ATG7: variants seen among roughly 807,000 people sequenced by gnomAD.
ATG7 encodes ubiquitin-like modifier-activating enzyme ATG7.
A neutral mutation model predicts 82.4 loss-of-function variants in ATG7; 70 were observed. The observed-to-expected ratio is 0.85, with a 90% CI of 0.70 to 1.04. The LOEUF (loss-of-function observed/expected upper bound fraction) is 1.04, where lower values mean the gene tolerates loss of function less well. Ranked by LOEUF, ATG7 falls within the 50% of genes least tolerant of loss-of-function variation. ATG7 has a pLI of 0.00. For missense variants in ATG7, 792 were observed against 864.3 expected (o/e 0.92, Z 1.05); for synonymous variants, 287 against 313.0 (o/e 0.92, Z 0.88).
intron 19 of ATG7, among the ~76,000 whole-genome samples, chr3:11,399,022 G>A (rs147738123): frequency 2.0e-5 from 3 of 152,270 alleles, no homozygotes; most frequent in Non-Finnish European, 4.4e-5. Context: ...GCAAAAGGAA[G>A]ATTAACATGT....
At chr3:11,314,730 T>C (rs1211490933) in intron 8 of ATG7, among the ~76,000 whole-genome samples, 1 of 151,744 alleles carries the variant, frequency 6.6e-6, no homozygotes, top group Non-Finnish European at 1.5e-5. Flanking sequence ...AGCTCAGGAG[T>C]TCAAGACCAG....
chr3:11,512,324 C>G (rs1182763395), intron 20 of ATG7, among the ~76,000 whole-genome samples: 1 of 152,212 alleles, frequency 6.6e-6, no homozygotes, highest in Non-Finnish European at 1.5e-5. Context: ...TGTCAGGCTC[C>G]GAGTTCCACC....
chr3:11,530,268 C>T (rs780703282), intron 20 of ATG7, among the ~76,000 whole-genome samples: 22 of 152,186 alleles, frequency 1.4e-4, no homozygotes, highest in Non-Finnish European at 3.2e-4. Flanking sequence ...CAAGCAGTGG[C>T]ATGCTCTCAG....
intron 19 of ATG7, among the ~76,000 whole-genome samples, chr3:11,420,179 C>T (rs2081803026): frequency 6.6e-6 from 1 of 152,056 alleles, no homozygotes; most frequent in African/African-American, 2.4e-5. Flanking sequence ...TTTTGTAAGC[C>T]ACTTATAACA....
intron 20 of ATG7, among the ~76,000 whole-genome samples, chr3:11,452,384 C>CAAAAA (rs34530409): frequency 0.014 from 819 of 58,266 alleles, 93 homozygotes; most frequent in African/African-American, 0.057. Context: ...GAACCTGTCT[C>CAAAAA]AAAAAAAAAA....
At position 11,555,807 on chromosome 3, in the gene ATG7, A is replaced by ATCGTC. The variant is rs1440065081; in HGVS notation, c.*966_*970dup. On this transcript the variant is annotated 3_prime_UTR_variant, in exon 21 of 21. Coordinates refer to ENST00000693202, the MANE Select transcript of ATG7 (RefSeq NM_001349232.2). Reference sequence around the variant, plus strand: ...ACCACCCTGCCCCCGTGTAGAGGGCATCGTCTTTCCTGCTATTTTATTCTT... The same window carrying ATCGTC: ...ACCACCCTGCCCCCGTGTAGAGGGCATCGTCTCGTCTTTCCTGCTATTTTATTCTT... The ATCGTC allele has an allele frequency of 6.6e-6, 1 of 152,310 alleles. No homozygotes were observed. The highest frequency in any genetic ancestry group is 2.4e-5 in the African/African-American group (1 of 41,442). 9.4% of individuals were successfully genotyped at this position (152,310 alleles called of 1,614,324 possible).
intron 18 of ATG7, among the ~76,000 whole-genome samples, chr3:11,376,681 G>A (rs2077438705): frequency 6.6e-6 from 1 of 152,110 alleles, no homozygotes; most frequent in African/African-American, 2.4e-5. Flanking sequence ...AGGTGGGTTG[G>A]GCCCAGAGCA....
chr3:11,425,938 G>A (rs1253649713), intron 19 of ATG7, among the ~76,000 whole-genome samples: 1 of 152,092 alleles, frequency 6.6e-6, no homozygotes, highest in Non-Finnish European at 1.5e-5. Flanking sequence ...GTAACATTAT[G>A]TTTGAAGGTA....
chr3:11,542,848 T>C (rs1269736248), intron 20 of ATG7, among the ~76,000 whole-genome samples: 1 of 150,498 alleles, frequency 6.6e-6, no homozygotes, highest in Admixed American at 6.6e-5. Flanking sequence ...AGCTCGGAGG[T>C]GCTGACCTTC....
chr3:11,415,732 A>C (rs1334786913), intron 19 of ATG7, among the ~76,000 whole-genome samples: 1 of 149,212 alleles, frequency 6.7e-6, no homozygotes, highest in Non-Finnish European at 1.5e-5. Context: ...TTATGATAGC[A>C]ATGCCTTCTT....
intron 20 of ATG7, among the ~76,000 whole-genome samples, chr3:11,546,189 T>G (rs1038719028): frequency 1.7e-5 from 2 of 117,546 alleles, no homozygotes; most frequent in Admixed American, 9.7e-5. Flanking sequence ...TTTTTTTTTT[T>G]GAGATGGAGT....
At chr3:11,537,036 C>A (rs1420877117) in intron 20 of ATG7, among the ~76,000 whole-genome samples, 1 of 152,096 alleles carries the variant, frequency 6.6e-6, no homozygotes, top group African/African-American at 2.4e-5. Context: ...AGGCCCCTCT[C>A]CGCGGACCCT....
chr3:11,355,977 G>A (rs887717555), intron 14 of ATG7, among the ~76,000 whole-genome samples: 6 of 152,160 alleles, frequency 3.9e-5, no homozygotes, highest in African/African-American at 9.7e-5. Context: ...ATTATACCAC[G>A]AATGGAATGT....
chr3:11,291,865 A>G (rs1945030351), intron 3 of ATG7, among the ~76,000 whole-genome samples: 1 of 152,220 alleles, frequency 6.6e-6, no homozygotes, highest in Non-Finnish European at 1.5e-5. Context: ...TAGGAACATC[A>G]GCCATGCAGA....
Position 11,405,823 on chromosome 3 carries a change from T to C in ATG7, c.1957-20981T>C, listed in dbSNP as rs144535084. On this transcript the variant is annotated intron_variant, in intron 19 of 20. Coordinates refer to ENST00000693202, the MANE Select transcript of ATG7 (RefSeq NM_001349232.2). ...TTTGTAGAGATGGGGTTTCGCTGTG[T>C]TTCCCAGGCTGGTCCTAAACTTCTG... Among the ~76,000 whole-genome samples the C allele has an allele frequency of 4.5e-3, 678 of 152,014 alleles. 7 individuals are homozygous for C. The highest frequency in any genetic ancestry group is 0.015 in the African/African-American group (623 of 41,432).
intron 20 of ATG7, among the ~76,000 whole-genome samples, chr3:11,460,803 T>G (rs2086231273): frequency 6.6e-6 from 1 of 152,048 alleles, no homozygotes; most frequent in South Asian, 2.1e-4. Flanking sequence ...AACAAAAGAG[T>G]CACTGTCTAT....
chr3:11,509,292 G>A (rs559150181), intron 20 of ATG7, among the ~76,000 whole-genome samples: 11 of 152,280 alleles, frequency 7.2e-5, no homozygotes, highest in Admixed American at 3.9e-4. Flanking sequence ...AGCTGTTCCC[G>A]GCCCAGATAA....
At chr3:11,499,293 A>G (rs1041696024) in intron 20 of ATG7, among the ~76,000 whole-genome samples, 6 of 152,102 alleles carry the variant, frequency 3.9e-5, no homozygotes, top group Non-Finnish European at 7.4e-5. Context: ...TTTCACACAT[A>G]CTTGCTCTTA....
intron 20 of ATG7, among the ~76,000 whole-genome samples, chr3:11,478,833 C>A (rs1290778628): frequency 1.3e-5 from 2 of 152,022 alleles, no homozygotes; most frequent in African/African-American, 2.4e-5. Flanking sequence ...AAGTTATTCT[C>A]AACTTCCTGT....
Sources: gnomAD v4.1 joint callset for allele counts (sites outside exome capture counted in the v4.1 genomes callset) on GRCh38, gnomAD v4.1.1 for gene constraint, MANE v1.5 for transcripts, NCBI Gene and HGNC (gene_info 2026-07-23, HGNC 2026-07-21) for gene names.